CNTN3: variants seen among roughly 807,000 people sequenced by gnomAD.
CNTN3 encodes the protein contactin-3.
CNTN3 carries 60 observed loss-of-function variants against 119.1 expected under a neutral mutation model. That is an observed-to-expected ratio of 0.50 (90% confidence interval 0.41 to 0.62). CNTN3 has a LOEUF of 0.62. CNTN3 is among the 20% of genes least tolerant of loss of function. CNTN3 has a pLI of 0.00. For synonymous variants in CNTN3, 450 were observed against 438.7 expected (o/e 1.03, Z -0.32); for missense variants, 1,101 against 1,242.4 (o/e 0.89, Z 1.71).
At chr3:74,589,015 C>A (rs1258585599) in intron 1 of CNTN3, among the ~76,000 whole-genome samples, 1 of 151,630 alleles carries the variant, frequency 6.6e-6, no homozygotes, top group Non-Finnish European at 1.5e-5. Context: ...AGAAGAAAAC[C>A]TAGGCATTAC....
chr3:74,429,645 A>C (rs1448527116), intron 4 of CNTN3, among the ~76,000 whole-genome samples: 1 of 152,172 alleles, frequency 6.6e-6, no homozygotes, highest in African/African-American at 2.4e-5. Flanking sequence ...ACCAGACTGC[A>C]TCAACATTTA....
chr3:74,378,369 T>C (rs1704529677), intron 5 of CNTN3, among the ~76,000 whole-genome samples: 1 of 152,216 alleles, frequency 6.6e-6, no homozygotes, highest in South Asian at 2.1e-4. Flanking sequence ...AAAAGCTGTA[T>C]TGTAAGTTGT....
At chr3:74,419,586 A>T (rs1265968097) in intron 5 of CNTN3, among the ~76,000 whole-genome samples, 1 of 152,166 alleles carries the variant, frequency 6.6e-6, no homozygotes, top group East Asian at 1.9e-4. Context: ...CTATGTTGTT[A>T]TAATATGTGA....
At chr3:74,502,128 T>G (rs1461403363) in intron 2 of CNTN3, among the ~76,000 whole-genome samples, 1 of 152,170 alleles carries the variant, frequency 6.6e-6, no homozygotes, top group Non-Finnish European at 1.5e-5. Flanking sequence ...TGAGATGGGA[T>G]AGCATCATTT....
chr3:74,570,185 C>T (rs4676978), intron 1 of CNTN3, among the ~76,000 whole-genome samples: 111,516 of 151,728 alleles, frequency 0.73, 41,538 homozygotes, highest in Non-Finnish European at 0.79. Context: ...TCTACCCATA[C>T]CCAAGTAGGT....
intron 19 of CNTN3, among the ~76,000 whole-genome samples, chr3:74,289,009 A>G (rs1702174610): frequency 1.3e-5 from 2 of 152,182 alleles, no homozygotes; most frequent in Admixed American, 1.3e-4. Context: ...ATGGCACATG[A>G]TCAACCCTCA....
Position 74,263,174 on chromosome 3 carries a change from C to A in CNTN3, c.*1227G>T, listed in dbSNP as rs1489918348. ...ATTTTAATTTATTCTCTATATATTG[C>A]TATGAAGTCACGTCTTCAACAATTT... On this transcript the variant is annotated 3_prime_UTR_variant, in exon 23 of 23. Coordinates refer to ENST00000263665, the MANE Select transcript of CNTN3 (RefSeq NM_020872.3). 1 of 152,098 alleles carries A rather than the reference C, an allele frequency of 6.6e-6. No individual in the cohort carries two copies. Among genetic ancestry groups the A allele is most frequent in the Non-Finnish European group, 1.5e-5 (1 of 67,992 alleles). 9.4% of individuals were successfully genotyped at this position (152,098 alleles called of 1,614,324 possible).
At chr3:74,495,095 C>T (rs972625339) in intron 3 of CNTN3, among the ~76,000 whole-genome samples, 1 of 151,970 alleles carries the variant, frequency 6.6e-6, no homozygotes, top group Non-Finnish European at 1.5e-5. Context: ...TGATTACTCT[C>T]AAATGTGGCT....
rs144881079 is a variant in CNTN3, at chr3:74,266,614, T to G, written c.2853A>C (p.Gln951His). The change falls in exon 22 of 23, where the codon CAA becomes CAC. Residue 951 changes from glutamine to histidine, a missense_variant. By Grantham distance (24) the Gln-to-His change is conservative. Coordinates refer to ENST00000263665, the MANE Select transcript of CNTN3 (RefSeq NM_020872.3). ...CTGAAGTTTTATTTGTGTTCAGTACTTGTACGTTATTTTGACTGCTAGTCC... is the reference window on the plus strand; with the variant it reads ...CTGAAGTTTTATTTGTGTTCAGTACGTGTACGTTATTTTGACTGCTAGTCC... ...FYRTSSQNNV[Q>H]VLNTNKTSAE... The G allele has an allele frequency of 5.3e-4, 855 of 1,613,420 alleles. 4 individuals carry two copies. The highest frequency in any genetic ancestry group is 1.5e-3 in the Middle Eastern group (9 of 6,056).
chr3:74,585,257 T>C (rs1340222782), intron 1 of CNTN3, among the ~76,000 whole-genome samples: 1 of 152,172 alleles, frequency 6.6e-6, no homozygotes, highest in Non-Finnish European at 1.5e-5. Context: ...CTAGAGTTAC[T>C]GGGAGAATCA....
chr3:74,353,736 A>G (rs1703870548), intron 11 of CNTN3, among the ~76,000 whole-genome samples: 1 of 152,080 alleles, frequency 6.6e-6, no homozygotes, highest in African/African-American at 2.4e-5. Context: ...AGCCTGGGGG[A>G]CAGAGCGAGA....
At chr3:74,414,877 C>CTTTTTT (rs71129747) in intron 5 of CNTN3, among the ~76,000 whole-genome samples, 4 of 117,138 alleles carry the variant, frequency 3.4e-5, no homozygotes, top group South Asian at 3.0e-4. Context: ...TTCCTATAGT[C>CTTTTTT]TTTTTTTTTT....
chr3:74,460,828 TTC>T (rs1490265213), intron 4 of CNTN3, among the ~76,000 whole-genome samples: 3 of 131,946 alleles, frequency 2.3e-5, no homozygotes, highest in Non-Finnish European at 4.8e-5. Flanking sequence ...TGCCTTTCAT[TTC>T]TTTCTTTTTT....
chr3:74,358,901 A>G (rs977951799), intron 11 of CNTN3, among the ~76,000 whole-genome samples: 1 of 151,254 alleles, frequency 6.6e-6, no homozygotes, highest in Non-Finnish European at 1.5e-5. Context: ...GAGAATGATG[A>G]TTTCCAATTT....
intron 8 of CNTN3, among the ~76,000 whole-genome samples, chr3:74,366,019 G>A (rs142921003): frequency 1.6e-4 from 24 of 152,160 alleles, no homozygotes; most frequent in African/African-American, 5.8e-4. Flanking sequence ...AGTAATACAG[G>A]TACACAAAAC....
At chr3:74,338,002 C>T (rs1264546850) in intron 11 of CNTN3, among the ~76,000 whole-genome samples, 1 of 151,986 alleles carries the variant, frequency 6.6e-6, no homozygotes, top group Admixed American at 6.6e-5. Context: ...TTTGTCTACT[C>T]ATAATTATGT....
In CNTN3 at chr3:74,310,365, A is replaced by AT. The variant is rs965950061; in HGVS notation, c.1669-7559dup. Reference sequence around the variant, plus strand: ...AACCTTAGTGGATTAGAAAATTATCATTTTTTTTTCTGTTCAGTAATGTGT... The same window carrying AT: ...AACCTTAGTGGATTAGAAAATTATCATTTTTTTTTTCTGTTCAGTAATGTGT... On this transcript the variant is annotated intron_variant, in intron 13 of 22. Transcript: ENST00000263665. Among the ~76,000 whole-genome samples, 365 of 151,346 alleles carry AT rather than the reference A, an allele frequency of 2.4e-3. 1 individual carries two copies. Among genetic ancestry groups the AT allele is most frequent in the African/African-American group, 7.3e-3 (303 of 41,266 alleles).
chr3:74,394,879 G>T (rs925481205), intron 5 of CNTN3, among the ~76,000 whole-genome samples: 1 of 151,958 alleles, frequency 6.6e-6, no homozygotes, highest in Non-Finnish European at 1.5e-5. Flanking sequence ...GATGTGCGTG[G>T]AAGTGCTCTG....
chr3:74,404,366 G>T (rs1465754182), intron 5 of CNTN3, among the ~76,000 whole-genome samples: 1 of 152,036 alleles, frequency 6.6e-6, no homozygotes, highest in Non-Finnish European at 1.5e-5. Context: ...TAAATAAAAG[G>T]AAAGGAAGAT....
Sources: gnomAD v4.1 joint callset for allele counts (sites outside exome capture counted in the v4.1 genomes callset) on GRCh38, gnomAD v4.1.1 for gene constraint, MANE v1.5 for transcripts, NCBI Gene and HGNC (gene_info 2026-07-23, HGNC 2026-07-21) for gene names.